QSER1: variants seen among roughly 807,000 people sequenced by gnomAD.
The protein encoded by QSER1 is glutamine and serine-rich protein 1.
Under a neutral mutation model 158.5 loss-of-function variants are expected in QSER1, and 49 were observed. That is an observed-to-expected ratio of 0.31 (90% confidence interval 0.25 to 0.39). QSER1 has a LOEUF of 0.39. QSER1 is among the 10% of genes least tolerant of loss of function. QSER1 has a pLI of 1.00. For missense variants in QSER1, 1,754 were observed against 2,010.3 expected (o/e 0.87, Z 2.44); for synonymous variants, 650 against 715.5 (o/e 0.91, Z 1.46).
chr11:32,935,707 G>A (rs1852143016), intron 4 of QSER1, among the ~76,000 whole-genome samples: 1 of 152,210 alleles, frequency 6.6e-6, no homozygotes, highest in African/African-American at 2.4e-5. Flanking sequence ...ACATCTTGAG[G>A]TAATTGAGGC....
chr11:32,909,261 G>A (rs190431349), intron 1 of QSER1, among the ~76,000 whole-genome samples: 1 of 152,240 alleles, frequency 6.6e-6, no homozygotes, highest in Admixed American at 6.5e-5. Context: ...GAAAAGTTTA[G>A]CATGTTTGAC....
chr11:32,896,211 C>T (rs989577879), intron 1 of QSER1, among the ~76,000 whole-genome samples: 1 of 152,124 alleles, frequency 6.6e-6, no homozygotes. Flanking sequence ...TCCATTGCCG[C>T]ATTCTGTACT....
intron 4 of QSER1, among the ~76,000 whole-genome samples, chr11:32,952,560 G>C (rs1564941746): frequency 6.6e-6 from 1 of 152,166 alleles, no homozygotes; most frequent in East Asian, 1.9e-4. Flanking sequence ...TTAGTCTATA[G>C]TTTTCTCATG....
intron 11 of QSER1, among the ~76,000 whole-genome samples, chr11:32,974,707 C>A (rs139406377): frequency 1.3e-5 from 2 of 152,222 alleles, no homozygotes; most frequent in African/African-American, 4.8e-5. Flanking sequence ...AAGTCCTTAC[C>A]CTCATATAGT....
intron 1 of QSER1, among the ~76,000 whole-genome samples, chr11:32,907,570 C>T (rs562059724): frequency 6.6e-6 from 1 of 152,150 alleles, no homozygotes; most frequent in Non-Finnish European, 1.5e-5. Context: ...AAAAACATTT[C>T]GTAGCACCCA....
intron 12 of QSER1, 105 bp downstream of exon 12, chr11:32,975,448 TG>T: frequency 6.5e-7 from 1 of 1,537,456 alleles, no homozygotes; most frequent in Non-Finnish European, 8.8e-7. Context: ...AATACATGTG[TG>T]TATGTATTTT....
chr11:32,904,537 A>G (rs983560339), intron 1 of QSER1, among the ~76,000 whole-genome samples: 2 of 149,198 alleles, frequency 1.3e-5, no homozygotes, highest in African/African-American at 4.9e-5. Context: ...GAATATGTGT[A>G]TGGATGCTGT....
rs1398762616 is a variant in QSER1 at position 32,893,276 on chromosome 11, A to AGCAGCAGCTGCAGCAGTG, written c.157_174dup (p.Ser53_Ser58dup). 3 of 152,994 alleles carry AGCAGCAGCTGCAGCAGTG rather than the reference A, an allele frequency of 2.0e-5. No individual in the cohort carries two copies. Among genetic ancestry groups the AGCAGCAGCTGCAGCAGTG allele is most frequent in the African/African-American group, 7.3e-5 (3 of 41,270 alleles). 9.5% of individuals were successfully genotyped at this position (152,994 alleles called of 1,614,324 possible). On this transcript the variant is annotated inframe_insertion, in exon 1 of 13. Coordinates refer to ENST00000650167, the MANE Select transcript of QSER1 (RefSeq NM_001076786.3). The surrounding 1 kb of genome is among the most constrained non-coding windows in gnomAD (Gnocchi z 4.7). ...ACCCCGAGCCGCCGCCGCCGCCGCC[A>AGCAGCAGCTGCAGCAGTG]GCAGCAGCTGCAGCAGTGGCAGCTG...
intron 12 of QSER1, among the ~76,000 whole-genome samples, chr11:32,976,115 C>T (rs986742810): frequency 1.3e-5 from 2 of 152,112 alleles, no homozygotes; most frequent in African/African-American, 2.4e-5. Context: ...TGACTTTTAA[C>T]GTAATTGGAA....
intron 1 of QSER1, among the ~76,000 whole-genome samples, chr11:32,914,443 C>A (rs906079293): frequency 4.6e-5 from 7 of 152,106 alleles, no homozygotes; most frequent in African/African-American, 1.7e-4. Context: ...TTATTATATT[C>A]TAGGTATTTG....
intron 4 of QSER1, among the ~76,000 whole-genome samples, chr11:32,951,850 T>TC: frequency 6.6e-6 from 1 of 151,246 alleles, no homozygotes; most frequent in Middle Eastern, 3.4e-3. Flanking sequence ...TTTTTTTTTT[T>TC]TTTTGAGATG....
chr11:32,909,949 T>C (rs1851745633), intron 1 of QSER1, among the ~76,000 whole-genome samples: 1 of 152,128 alleles, frequency 6.6e-6, no homozygotes, highest in Non-Finnish European at 1.5e-5. Context: ...ATTTAGACAC[T>C]CCCATGCTTA....
chr11:32,919,625 A>G (rs1361752044), intron 1 of QSER1, among the ~76,000 whole-genome samples: 1 of 152,120 alleles, frequency 6.6e-6, no homozygotes, highest in Non-Finnish European at 1.5e-5. Context: ...CTACACTGTA[A>G]AGTTACTCTT....
Position 32,932,002 on chromosome 11 carries a change from C to T in QSER1, c.744C>T (p.Gly248=). Residue 248 remains glycine (G), a synonymous_variant, in exon 4 of 13, where the codon GGC becomes GGT. Coordinates refer to ENST00000650167, the MANE Select transcript of QSER1 (RefSeq NM_001076786.3). The part of the protein sequence containing the change: ...VPTALAFERL[G]SSVLSNSIPP... Reference sequence around the variant, plus strand: ...CTGCTTTGGCATTTGAGCGCCTGGGCAGTTCTGTATTAAGTAACAGCATAC... The same window carrying T: ...CTGCTTTGGCATTTGAGCGCCTGGGTAGTTCTGTATTAAGTAACAGCATAC... 1.2e-6 allele frequency: 2 copies of T among 1,614,230 alleles called. No individual in the cohort carries two copies. Among genetic ancestry groups the T allele is most frequent in the Non-Finnish European group, 1.7e-6 (2 of 1,180,044 alleles).
At chr11:32,896,413 G>A (rs1851556180) in intron 1 of QSER1, among the ~76,000 whole-genome samples, 1 of 152,008 alleles carries the variant, frequency 6.6e-6, no homozygotes, top group Non-Finnish European at 1.5e-5. Context: ...GGAGTGCAAC[G>A]GCGTGATCTC....
At chr11:32,972,549 C>T (rs1590190305) in intron 10 of QSER1, among the ~76,000 whole-genome samples, 1 of 152,128 alleles carries the variant, frequency 6.6e-6, no homozygotes, top group East Asian at 1.9e-4. Flanking sequence ...GATTCTCTTA[C>T]CTCAGCCTCC....
At chr11:32,917,846 C>G (rs77636575) in intron 1 of QSER1, among the ~76,000 whole-genome samples, 1 of 123,320 alleles carries the variant, frequency 8.1e-6, no homozygotes, top group Non-Finnish European at 1.8e-5. Context: ...AAAAAAAAAC[C>G]AGCATTTCTC....
intron 1 of QSER1, among the ~76,000 whole-genome samples, chr11:32,905,446 G>A (rs1028386604): frequency 6.6e-6 from 1 of 152,234 alleles, no homozygotes; most frequent in African/African-American, 2.4e-5. Context: ...TCAAGTCAGA[G>A]TTTGATTTGG....
rs1853044430 is a variant in QSER1 at position 32,980,034 on chromosome 11, A to AT, written c.*3562dup. 1 of 152,650 alleles carries AT rather than the reference A, an allele frequency of 6.6e-6. No individual in the cohort carries two copies. The highest frequency in any genetic ancestry group is 2.4e-5 in the African/African-American group (1 of 41,464). The allele number at this position is 152,650 out of a possible 1,614,324, so 9.5% of individuals were successfully genotyped here. A position where few individuals can be genotyped will look rare whatever the true frequency, so the allele number is the denominator to read the frequency against. ...GAACAGTGTATACTCTTGGTTGTGC[A>AT]TTAACTTACATGTATAATTTTTGGC... On this transcript the variant is annotated 3_prime_UTR_variant, in exon 13 of 13. Transcript: ENST00000650167.
Sources: allele counts gnomAD v4.1 joint callset (sites outside exome capture counted in the v4.1 genomes callset), GRCh38; gene constraint gnomAD v4.1.1; non-coding constraint Gnocchi (gnomAD v3.1); transcripts MANE v1.5; gene names NCBI Gene and HGNC (gene_info 2026-07-23, HGNC 2026-07-21).